Variants in DLG5 observed in about 807,000 individuals in gnomAD.
DLG5 encodes disks large homolog 5.
Under a neutral mutation model 189.8 loss-of-function variants are expected in DLG5, and 48 were observed. The observed-to-expected ratio is 0.25, with a 90% CI of 0.20 to 0.32. The LOEUF (loss-of-function observed/expected upper bound fraction) is 0.32, where lower values mean the gene tolerates loss of function less well. DLG5 is among the 10% of genes least tolerant of loss of function. The pLI is 1.00. For synonymous variants in DLG5, 1,016 were observed against 1,054.1 expected, an observed-to-expected ratio of 0.96 and a Z score of 0.70; for missense variants, 2,160 against 2,544.7, an observed-to-expected ratio of 0.85 and a Z score of 3.25.
At chr10:77,830,568 C>T (rs1436221414) in intron 10 of DLG5, among the ~76,000 whole-genome samples, 173 bp downstream of exon 10, 1 of 152,218 alleles carries the variant, frequency 6.6e-6, no homozygotes, top group Non-Finnish European at 1.5e-5. Context: ...CCCTGCCCTT[C>T]CCCAGCTGCA....
chr10:77,933,572 G>A, the DLG5 span, among the ~76,000 whole-genome samples: 1 of 152,086 alleles, frequency 6.6e-6, no homozygotes, highest in South Asian at 2.1e-4. Flanking sequence ...AAGATTACAG[G>A]GGTGAGCCAC....
At chr10:77,820,274 A>G in intron 15 of DLG5, 1 of 389,924 alleles carries the variant, frequency 2.6e-6, no homozygotes, top group Non-Finnish European at 4.7e-6. Context: ...TGAACTCGGG[A>G]GGCAGAAGTT....
intron 13 of DLG5, among the ~76,000 whole-genome samples, chr10:77,827,456 C>T (rs1468953652): frequency 1.3e-5 from 2 of 152,180 alleles, no homozygotes; most frequent in East Asian, 1.9e-4. Flanking sequence ...GAACTCCCTA[C>T]CTCAGGTGAT....
At position 77,794,971 on chromosome 10, in the gene DLG5, G is replaced by T. The variant is rs778011885; in HGVS notation, c.5437-13C>A. The T allele has an allele frequency of 1.9e-6, 3 of 1,611,276 alleles. No homozygotes were observed. The South Asian group carries it at 3.3e-5, about 18-fold the overall frequency. On this transcript the variant is annotated splice_polypyrimidine_tract_variant and intron_variant, in intron 29 of 31. Transcript: ENST00000372391. ...GGCAGTGTCGGTTCTGGGGTGGGGG[G>T]TGCAGAGTGAGCCCTGGCGGGCAGT...
At chr10:77,905,683 CCA>C (rs1275982782) in intron 1 of DLG5, among the ~76,000 whole-genome samples, 16 of 152,198 alleles carry the variant, frequency 1.1e-4, no homozygotes, top group African/African-American at 3.6e-4. Flanking sequence ...GCACAAGGTG[CCA>C]CAGAGTTGAG....
At chr10:77,907,647 CACTT>C (rs58073629) in intron 1 of DLG5, among the ~76,000 whole-genome samples, 7,906 of 152,216 alleles carry the variant, frequency 0.052, 670 homozygotes, top group African/African-American at 0.18. Flanking sequence ...CTGCTGTCAA[CACTT>C]ACTAACTTAT....
At chr10:77,829,160 T>C (rs1000428196) in intron 12 of DLG5, among the ~76,000 whole-genome samples, 175 bp from the exon 13 acceptor site, 1 of 152,208 alleles carries the variant, frequency 6.6e-6, no homozygotes, top group African/African-American at 2.4e-5. Flanking sequence ...ACATCTACCC[T>C]GGTGAATCAA....
At chr10:77,898,446 C>T (rs748271866) in intron 1 of DLG5, among the ~76,000 whole-genome samples, 4 of 152,220 alleles carry the variant, frequency 2.6e-5, no homozygotes, top group Admixed American at 6.5e-5. Context: ...GCCAGCCCTC[C>T]GGGCACACAG....
intron 1 of DLG5, among the ~76,000 whole-genome samples, chr10:77,906,617 CTTTT>C (rs35116526): frequency 3.9e-5 from 4 of 102,178 alleles, no homozygotes; most frequent in Non-Finnish European, 7.5e-5. Context: ...CTGCGCTCCA[CTTTT>C]TTTTTTTTTT....
upstream of DLG5, chr10:77,928,040 A>C (rs1232988318): frequency 6.6e-6 from 1 of 152,212 alleles, no homozygotes; most frequent in East Asian, 1.9e-4. Context: ...CTGCTTCTTC[A>C]AGGGGAGAAG....
rs139841331 is a variant in DLG5, at chr10:77,873,030, T to TGTGTGCGC, written c.305-3834_305-3833insGCGCACAC. 3.0e-3 allele frequency among the ~76,000 whole-genome samples: 312 copies of TGTGTGCGC among 105,520 alleles called. 1 individual carries two copies. Among genetic ancestry groups the TGTGTGCGC allele is most frequent in the African/African-American group, 0.011 (305 of 27,838 alleles). 69.2% of individuals were successfully genotyped at this position (105,520 alleles called of 152,430 possible). ...GCCTCCTGATGTGTGTGTGTGTGTG[T>TGTGTGCGC]GCACACACACACACACACACACGAG... On this transcript the variant is annotated intron_variant, in intron 1 of 31. Coordinates refer to ENST00000372391, the MANE Select transcript of DLG5 (RefSeq NM_004747.4).
chr10:77,892,225 T>C (rs1306445643), intron 1 of DLG5, among the ~76,000 whole-genome samples: 1 of 152,184 alleles, frequency 6.6e-6, no homozygotes, highest in Admixed American at 6.5e-5. Flanking sequence ...AATCCCTCCC[T>C]ACCTCGTGAC....
intron 5 of DLG5, chr10:77,845,237 G>T (rs1843628439): frequency 6.6e-6 from 1 of 152,246 alleles, no homozygotes; most frequent in Admixed American, 6.5e-5. Flanking sequence ...CCTGGGGTGA[G>T]TCACTCCACC....
At position 77,796,684 on chromosome 10, in the gene DLG5, A is replaced by G; in HGVS notation, c.5165-90T>C. 1 of 1,537,760 alleles carries G rather than the reference A, an allele frequency of 6.5e-7. No homozygotes were observed. The highest frequency in any genetic ancestry group is 8.9e-7 in the Non-Finnish European group (1 of 1,129,844). On this transcript the variant is annotated intron_variant, in intron 27 of 31. Coordinates refer to ENST00000372391, the MANE Select transcript of DLG5 (RefSeq NM_004747.4). The surrounding 1 kb of genome is among the most constrained non-coding windows in gnomAD (Gnocchi z 5.2). ...GGAACCCCGCTCCCTGACCTCGCCC[A>G]CTCTGGTTTGCCTGGGACTCCCCCA...
At chr10:77,905,591 CA>C (rs1846050486) in intron 1 of DLG5, among the ~76,000 whole-genome samples, 1 of 152,176 alleles carries the variant, frequency 6.6e-6, no homozygotes, top group Admixed American at 6.5e-5. Context: ...GTGACCTTAA[CA>C]GCTATGTAAC....
At chr10:77,810,592 T>C (rs547190974) in intron 23 of DLG5, among the ~76,000 whole-genome samples, 47 of 152,362 alleles carry the variant, frequency 3.1e-4, no homozygotes, top group African/African-American at 1.1e-3. Flanking sequence ...TTATGCCCAC[T>C]CTTGGCTCTT....
chr10:77,830,441 T>G, intron 10 of DLG5, 97 bp from the exon 11 acceptor site: 1 of 1,557,438 alleles, frequency 6.4e-7, no homozygotes, highest in Non-Finnish European at 8.7e-7. Context: ...TGTGGGGGAC[T>G]GTCCCTTCAC....
chr10:77,868,458 T>C (rs1360023626), intron 2 of DLG5: 2 of 290,056 alleles, frequency 6.9e-6, no homozygotes, highest in Admixed American at 9.6e-5. Context: ...CCTCCCAGAA[T>C]GTCAATTTCC....
chr10:77,817,127 G>A (rs926002812), intron 18 of DLG5, 31 bp from the exon 19 acceptor site: 6 of 1,599,756 alleles, frequency 3.8e-6, no homozygotes, highest in Non-Finnish European at 5.1e-6. Context: ...AAAACTTCAG[G>A]CCTCATGGTT....
Sources: gnomAD v4.1 joint callset for allele counts (sites outside exome capture counted in the v4.1 genomes callset) on GRCh38, gnomAD v4.1.1 for gene constraint, Gnocchi (gnomAD v3.1) non-coding constraint, MANE v1.5 for transcripts, NCBI Gene and HGNC (gene_info 2026-07-23, HGNC 2026-07-21) for gene names.